Variants in EPHA6 observed in about 807,000 individuals in gnomAD.
EPHA6 encodes ephrin type-A receptor 6.
In EPHA6, 50 loss-of-function variants were observed where a neutral mutation model predicts 112.0. The ratio of observed to expected loss-of-function variants is 0.45; its 90% confidence interval spans 0.36 to 0.56. EPHA6 has a LOEUF of 0.56. EPHA6 is among the 20% of genes least tolerant of loss of function. The pLI, the probability that EPHA6 is intolerant of heterozygous loss-of-function variation, is 0.00. For missense variants in EPHA6, 1,280 were observed against 1,417.4 expected, an observed-to-expected ratio of 0.90 and a Z score of 1.56; for synonymous variants, 529 against 490.7, an observed-to-expected ratio of 1.08 and a Z score of -1.03.
intron 7 of EPHA6, among the ~76,000 whole-genome samples, chr3:97,450,474 T>G (rs756190020): frequency 2.0e-4 from 31 of 152,100 alleles, no homozygotes; most frequent in Non-Finnish European, 3.5e-4. Context: ...AAATGCACTC[T>G]CAGATAAACT....
intron 3 of EPHA6, among the ~76,000 whole-genome samples, chr3:97,176,215 T>C (rs542525443): frequency 3.9e-5 from 6 of 152,080 alleles, no homozygotes; most frequent in South Asian, 2.1e-4. Context: ...TATTTGCATA[T>C]ATTGAACCAC....
At chr3:97,643,420 G>A (rs1221440672) in intron 14 of EPHA6, among the ~76,000 whole-genome samples, 1 of 152,064 alleles carries the variant, frequency 6.6e-6, no homozygotes, top group Non-Finnish European at 1.5e-5. Flanking sequence ...CATAATGATA[G>A]GATCAAATTC....
intron 3 of EPHA6, among the ~76,000 whole-genome samples, chr3:97,022,537 T>C (rs2044498254): frequency 6.6e-6 from 1 of 152,204 alleles, no homozygotes; most frequent in Non-Finnish European, 1.5e-5. Context: ...TCAAGACATC[T>C]CTTTTCACTC....
At chr3:97,446,990 T>C (rs928920973) in intron 6 of EPHA6, among the ~76,000 whole-genome samples, 1 of 152,190 alleles carries the variant, frequency 6.6e-6, no homozygotes, top group Non-Finnish European at 1.5e-5. Context: ...AGTCTTTTTT[T>C]ATTTAAAATG....
intron 10 of EPHA6, among the ~76,000 whole-genome samples, chr3:97,519,185 TA>T (rs1222925705): frequency 2.0e-5 from 3 of 152,292 alleles, no homozygotes; most frequent in Non-Finnish European, 4.4e-5. Context: ...TGGTGAGAGA[TA>T]GGGGTCCAAT....
At chr3:97,741,675 T>G (rs1277516964) in intron 16 of EPHA6, among the ~76,000 whole-genome samples, 4 of 152,126 alleles carry the variant, frequency 2.6e-5, no homozygotes, top group Non-Finnish European at 4.4e-5. Flanking sequence ...CTCCAAGTCC[T>G]TGCTCTTTCC....
intron 2 of EPHA6, among the ~76,000 whole-genome samples, chr3:96,911,632 T>C (rs72916424): frequency 0.016 from 2,359 of 152,140 alleles, 60 homozygotes; most frequent in African/African-American, 0.047. Flanking sequence ...CTGGGCAAAT[T>C]CTTGTCTGTC....
chr3:97,488,283 C>T (rs1263606586), intron 10 of EPHA6, among the ~76,000 whole-genome samples: 2 of 152,130 alleles, frequency 1.3e-5, no homozygotes, highest in African/African-American at 2.4e-5. Context: ...AATTTTTTCT[C>T]TTTCTAGAAT....
In EPHA6 at chr3:97,749,213, C is replaced by T. The variant is rs1484506862; in HGVS notation, c.*512C>T. ...TTTTTAATACTTTAACTGTTGGTGC[C>T]TGATATTGTTAGAATTATTTGCAGA... On this transcript the variant is annotated 3_prime_UTR_variant, in exon 18 of 18. Coordinates refer to ENST00000389672, the MANE Select transcript of EPHA6 (RefSeq NM_001080448.3). 4.5e-6 allele frequency: 1 copy of T among 219,922 alleles called. No individual in the cohort carries two copies. Among genetic ancestry groups the T allele is most frequent in the African/African-American group, 2.2e-5 (1 of 44,484 alleles). The allele number at this position is 219,922 out of a possible 1,614,324, so 13.6% of individuals were successfully genotyped here. A position where few individuals can be genotyped will look rare whatever the true frequency, so the allele number is the denominator to read the frequency against.
At chr3:97,067,877 T>A (rs1026824109) in intron 3 of EPHA6, among the ~76,000 whole-genome samples, 34 of 151,956 alleles carry the variant, frequency 2.2e-4, no homozygotes, top group African/African-American at 7.7e-4. Flanking sequence ...GCATGGTGGC[T>A]CATTCCTGTA....
chr3:97,340,358 A>G (rs1349342408), intron 5 of EPHA6, among the ~76,000 whole-genome samples: 1 of 152,166 alleles, frequency 6.6e-6, no homozygotes, highest in Non-Finnish European at 1.5e-5. Flanking sequence ...TGACAGGGTG[A>G]GTGAGGAGAT....
At chr3:97,477,781 CTAAT>C (rs2091420190) in intron 8 of EPHA6, among the ~76,000 whole-genome samples, 1 of 127,472 alleles carries the variant, frequency 7.8e-6, no homozygotes, top group Admixed American at 8.6e-5. Flanking sequence ...TTATAATACT[CTAAT>C]TATCATGAAG....
At chr3:97,332,025 A>T (rs1253793103) in intron 5 of EPHA6, among the ~76,000 whole-genome samples, 2 of 152,068 alleles carry the variant, frequency 1.3e-5, no homozygotes, top group Non-Finnish European at 2.9e-5. Context: ...ACTGGCAAAC[A>T]GAATCCAGCA....
intron 4 of EPHA6, among the ~76,000 whole-genome samples, chr3:97,242,595 T>C (rs2078878872): frequency 6.6e-6 from 1 of 151,930 alleles, no homozygotes; most frequent in South Asian, 2.1e-4. Flanking sequence ...ATGTCTACCA[T>C]GTCTTATCTC....
intron 5 of EPHA6, among the ~76,000 whole-genome samples, chr3:97,340,162 G>A (rs751970766): frequency 8.5e-5 from 13 of 152,130 alleles, no homozygotes; most frequent in Non-Finnish European, 1.5e-4. Flanking sequence ...AAGGATTCCC[G>A]CTAAATATTG....
chr3:97,498,268 C>G (rs970692117), intron 10 of EPHA6, among the ~76,000 whole-genome samples: 1 of 141,282 alleles, frequency 7.1e-6, no homozygotes, highest in Admixed American at 7.5e-5. Context: ...GAAGCAAATC[C>G]AAGAGACACA....
intron 5 of EPHA6, among the ~76,000 whole-genome samples, chr3:97,292,682 T>C (rs2080731148): frequency 6.7e-6 from 1 of 150,030 alleles, no homozygotes; most frequent in Non-Finnish European, 1.5e-5. Flanking sequence ...CCAGCTAGCG[T>C]CCAGCTCTCA....
chr3:97,619,368 C>G (rs1349111889), intron 13 of EPHA6, among the ~76,000 whole-genome samples: 2 of 147,226 alleles, frequency 1.4e-5, no homozygotes, highest in Non-Finnish European at 3.0e-5. Flanking sequence ...CAAGGATGCC[C>G]TATCTCACCA....
chr3:96,821,976 G>A (rs1229727229), intron 1 of EPHA6, among the ~76,000 whole-genome samples: 1 of 151,722 alleles, frequency 6.6e-6, no homozygotes, highest in Middle Eastern at 3.2e-3. Context: ...TCTATAAGAT[G>A]AAGAATTTTA....
Sources: gnomAD v4.1 joint callset for allele counts (sites outside exome capture counted in the v4.1 genomes callset) on GRCh38, gnomAD v4.1.1 for gene constraint, MANE v1.5 for transcripts, NCBI Gene and HGNC (gene_info 2026-07-23, HGNC 2026-07-21) for gene names.